TRPC1: variants seen among roughly 807,000 people sequenced by gnomAD.
TRPC1 encodes the protein short transient receptor potential channel 1.
A neutral mutation model predicts 88.2 loss-of-function variants in TRPC1; 42 were observed. The observed-to-expected ratio is 0.48, with a 90% confidence interval of 0.37 to 0.62. The LOEUF is 0.62. Among genes scored for constraint, TRPC1 ranks in the 20% least tolerant of loss-of-function variants. TRPC1 has a pLI of 0.00. For synonymous variants in TRPC1, 288 were observed against 331.8 expected, an observed-to-expected ratio of 0.87 and a Z score of 1.43; for missense variants, 699 against 957.3, an observed-to-expected ratio of 0.73 and a Z score of 3.56.
chr3:142,759,283 G>A (rs1490607970), intron 4 of TRPC1, among the ~76,000 whole-genome samples: 1 of 152,166 alleles, frequency 6.6e-6, no homozygotes, highest in Non-Finnish European at 1.5e-5. Context: ...CTAGTTTACA[G>A]TCCCACCAAC....
In TRPC1 at chr3:142,807,122, A is replaced by AAGAT. The variant is rs373356172; in HGVS notation, c.*894_*897dup. ...AGTTGGAGTGAATGTTTTTAGTTTT[A>AAGAT]AGATAGATAGGAGACACTTTTTTAT... On this transcript the variant is annotated 3_prime_UTR_variant, in exon 13 of 13. Coordinates refer to ENST00000476941, the MANE Select transcript of TRPC1 (RefSeq NM_001251845.2). 2.2e-4 allele frequency: 33 copies of AAGAT among 151,928 alleles called. No homozygotes were observed. The highest frequency in any genetic ancestry group is 4.1e-4 in the Non-Finnish European group (28 of 67,958). 9.4% of individuals were successfully genotyped at this position (151,928 alleles called of 1,614,324 possible).
chr3:142,745,315 C>G (rs1934503378), intron 3 of TRPC1, among the ~76,000 whole-genome samples: 1 of 152,128 alleles, frequency 6.6e-6, no homozygotes, highest in Non-Finnish European at 1.5e-5. Context: ...AGTACTGGAA[C>G]CATTGACTGG....
At chr3:142,730,389 T>A (rs1933851099) in intron 1 of TRPC1, among the ~76,000 whole-genome samples, 1 of 152,156 alleles carries the variant, frequency 6.6e-6, no homozygotes, top group Non-Finnish European at 1.5e-5. Context: ...TCATTAAGAT[T>A]CATAAGCAAC....
At chr3:142,741,896 C>T (rs892873527) in intron 2 of TRPC1, among the ~76,000 whole-genome samples, 1 of 152,192 alleles carries the variant, frequency 6.6e-6, no homozygotes, top group Non-Finnish European at 1.5e-5. Context: ...GGCGCAGTGG[C>T]TCACGCCTGT....
intron 4 of TRPC1, among the ~76,000 whole-genome samples, chr3:142,756,118 A>G (rs993046982): frequency 2.0e-5 from 3 of 152,178 alleles, no homozygotes; most frequent in East Asian, 1.9e-4. Context: ...GCAGTATTCC[A>G]TTGTATGGTT....
At chr3:142,735,867 G>A (rs1934115115) in intron 1 of TRPC1, among the ~76,000 whole-genome samples, 1 of 151,978 alleles carries the variant, frequency 6.6e-6, no homozygotes, top group Non-Finnish European at 1.5e-5. Flanking sequence ...GAATATATAT[G>A]TATTTATACT....
chr3:142,770,824 T>C (rs963161189), intron 4 of TRPC1, among the ~76,000 whole-genome samples: 4 of 152,238 alleles, frequency 2.6e-5, no homozygotes, highest in African/African-American at 9.6e-5. Flanking sequence ...TTTATAAGAC[T>C]GTTTGCATTG....
At chr3:142,794,593 TG>T (rs2108147198) in intron 9 of TRPC1, among the ~76,000 whole-genome samples, 1 of 152,106 alleles carries the variant, frequency 6.6e-6, no homozygotes, top group East Asian at 1.9e-4. Context: ...TTGTGCAGAG[TG>T]GGTCAGTGCA....
At chr3:142,786,623 T>C (rs1325948707) in intron 7 of TRPC1, among the ~76,000 whole-genome samples, 1 of 152,190 alleles carries the variant, frequency 6.6e-6, no homozygotes, top group African/African-American at 2.4e-5. Context: ...TGGTTTTATA[T>C]TGGACTGTGG....
chr3:142,793,004 A>G (rs1578005027), intron 9 of TRPC1, 37 bp downstream of exon 9: 4 of 1,523,324 alleles, frequency 2.6e-6, no homozygotes, highest in South Asian at 2.5e-5. Context: ...CATTTTTTAG[A>G]TGTCATTATT....
chr3:142,766,782 A>G (rs1300773411), intron 4 of TRPC1, among the ~76,000 whole-genome samples: 1 of 152,126 alleles, frequency 6.6e-6, no homozygotes, highest in Non-Finnish European at 1.5e-5. Context: ...CAGCCTGCAG[A>G]CGGCCTATTG....
At position 142,748,258 on chromosome 3, in the gene TRPC1, A is replaced by G. The variant is rs746525030; in HGVS notation, c.430A>G (p.Lys144Glu). 5.0e-6 allele frequency: 8 copies of G among 1,610,498 alleles called. No individual in the cohort carries two copies. In the African/African-American group the frequency reaches 8.0e-5, roughly 16 times the overall value. ...GGACATTTATATAAATATTTTTCAGAAACTAATGGAACGAATTCAGAATCC... is the reference window on the plus strand; with the variant it reads ...GGACATTTATATAAATATTTTTCAGGAACTAATGGAACGAATTCAGAATCC... ...PKRSSRPTIVKLMERIQNPEY... is the reference protein window; with the variant it reads ...PKRSSRPTIVELMERIQNPEY... The change falls in exon 4 of 13, where the codon AAA becomes GAA. Residue 144 changes from lysine (K) to glutamate (E), a missense_variant and splice_region_variant. Around this residue, in one of 4 missense-constraint regions of TRPC1, gnomAD observed 426 missense variants for 641.3 expected, o/e 0.66. Coordinates refer to ENST00000476941, the MANE Select transcript of TRPC1 (RefSeq NM_001251845.2).
chr3:142,804,379 C>T (rs1043660475), intron 11 of TRPC1, 57 bp from the exon 12 acceptor site: 6 of 1,449,316 alleles, frequency 4.1e-6, no homozygotes, highest in Admixed American at 2.1e-5. Flanking sequence ...GAAACATCCC[C>T]CATATTTGTG....
rs1388546541 is a variant in TRPC1, at chr3:142,793,015, G to T, written c.1581+48G>T. 4.2e-6 allele frequency: 6 copies of T among 1,438,982 alleles called. No individual in the cohort carries two copies. In the South Asian group the frequency reaches 7.1e-5, roughly 17 times the overall value. 89.1% of individuals were successfully genotyped at this position (1,438,982 alleles called of 1,614,324 possible). ...AGAACATTTTTTAGATGTCATTATTGTTACATCTTTCTCCTTGTCCAGTGG... is the reference window on the plus strand; with the variant it reads ...AGAACATTTTTTAGATGTCATTATTTTTACATCTTTCTCCTTGTCCAGTGG... On this transcript the variant is annotated intron_variant, in intron 9 of 12. Transcript: ENST00000476941.
intron 2 of TRPC1, among the ~76,000 whole-genome samples, chr3:142,740,069 T>A (rs1304082559): frequency 6.6e-6 from 1 of 152,206 alleles, no homozygotes; most frequent in Non-Finnish European, 1.5e-5. Flanking sequence ...ATGCTCCTTA[T>A]GAGAATCTAA....
intron 5 of TRPC1, among the ~76,000 whole-genome samples, chr3:142,779,176 C>T (rs930280504): frequency 6.6e-6 from 1 of 152,052 alleles, no homozygotes; most frequent in Non-Finnish European, 1.5e-5. Flanking sequence ...ATCATAGAAA[C>T]CCATTTACTT....
intron 7 of TRPC1, among the ~76,000 whole-genome samples, chr3:142,787,104 T>A (rs966676432): frequency 1.1e-4 from 16 of 152,198 alleles, no homozygotes; most frequent in African/African-American, 3.9e-4. Flanking sequence ...TATGATTAAT[T>A]TTCTAACCAT....
intron 9 of TRPC1, among the ~76,000 whole-genome samples, chr3:142,795,110 T>C (rs1427131715): frequency 6.6e-6 from 1 of 152,022 alleles, no homozygotes; most frequent in Non-Finnish European, 1.5e-5. Context: ...AGGTTAGACC[T>C]TGTAGAAAAA....
At position 142,766,417 on chromosome 3, in the gene TRPC1, T is replaced by G. The variant is rs1249855516; in HGVS notation, c.633-11215T>G. On this transcript the variant is annotated intron_variant, in intron 4 of 12. Transcript: ENST00000476941. The stretch of plus-strand genomic sequence containing the variant: ...ATCTTTTTTTTTTTTTTCTTTTTTT[T>G]TGAGATGGAGTCTCACTGTGTCACC... 2.0e-5 allele frequency among the ~76,000 whole-genome samples: 3 copies of G among 151,712 alleles called. No individual in the cohort carries two copies. The East Asian group carries it at 5.8e-4, about 29-fold the overall frequency.
Sources: gnomAD v4.1 joint callset for allele counts (sites outside exome capture counted in the v4.1 genomes callset) on GRCh38, gnomAD v4.1.1 for gene constraint, gnomAD v4.1.1 regional missense constraint, MANE v1.5 for transcripts, NCBI Gene and HGNC (gene_info 2026-07-23, HGNC 2026-07-21) for gene names.